Variants in RANBP2 observed in about 807,000 individuals in gnomAD.
RANBP2 encodes RAN binding protein 2.
RANBP2 carries 57 observed loss-of-function variants against 303.6 expected under a neutral mutation model. That is an observed-to-expected ratio of 0.19 (90% CI 0.15 to 0.23). The LOEUF (loss-of-function observed/expected upper bound fraction) is 0.23. Among genes scored for constraint, RANBP2 ranks in the 10% least tolerant of loss-of-function variants. The probability of loss-of-function intolerance (pLI) is 1.00; values close to 1 mark genes in which losing one functional copy is unlikely to be tolerated. For synonymous variants in RANBP2, 1,167 were observed against 1,301.5 expected, an observed-to-expected ratio of 0.90 and a Z score of 2.23; for missense variants, 3,138 against 3,780.8, an observed-to-expected ratio of 0.83 and a Z score of 4.46.
the RANBP2 span, among the ~76,000 whole-genome samples, chr2:109,508,915 C>T: frequency 6.6e-6 from 1 of 152,234 alleles, no homozygotes; most frequent in Non-Finnish European, 1.5e-5. Flanking sequence ...GCGCTACAAG[C>T]CCGGGACGGG....
At chr2:109,628,005 G>A in the RANBP2 span, among the ~76,000 whole-genome samples, 1,121 of 152,152 alleles carry the variant, frequency 7.4e-3, 1 homozygote, top group African/African-American at 0.013. Context: ...GAGAGGGTGC[G>A]TATCTGTGTC....
the RANBP2 span, among the ~76,000 whole-genome samples, chr2:109,680,405 T>A: frequency 6.6e-6 from 1 of 150,712 alleles, no homozygotes; most frequent in Non-Finnish European, 1.5e-5. Context: ...TAAAAAAAGA[T>A]AATAAAATAA....
At chr2:109,574,723 T>G in the RANBP2 span, 3 of 1,604,818 alleles carry the variant, frequency 1.9e-6, no homozygotes, top group South Asian at 2.2e-5. Flanking sequence ...TTCTTGGAGA[T>G]AGGCCTCAAA....
the RANBP2 span, among the ~76,000 whole-genome samples, chr2:109,687,148 G>A: frequency 6.6e-6 from 1 of 152,046 alleles, no homozygotes; most frequent in African/African-American, 2.4e-5. Context: ...TTTTCTTTGT[G>A]TAGCTGCCAT....
the RANBP2 span, chr2:108,897,189 C>T: frequency 1.2e-6 from 2 of 1,613,796 alleles, no homozygotes; most frequent in Non-Finnish European, 1.7e-6. Context: ...TTCGGCTAGT[C>T]TTCTCGAGGC....
the RANBP2 span, among the ~76,000 whole-genome samples, chr2:109,437,887 C>T: frequency 4.6e-5 from 7 of 152,260 alleles, no homozygotes; most frequent in East Asian, 9.7e-4. Context: ...GCCCATGCCA[C>T]GGCGTCTTCC....
chr2:109,354,479 A>G, the RANBP2 span, among the ~76,000 whole-genome samples: 1 of 152,202 alleles, frequency 6.6e-6, no homozygotes, highest in African/African-American at 2.4e-5. Flanking sequence ...GGCATTTTAC[A>G]TGTGATTCTT....
the RANBP2 span, among the ~76,000 whole-genome samples, chr2:109,384,874 T>C: frequency 0.47 from 71,951 of 151,670 alleles, 17,134 homozygotes; most frequent in Middle Eastern, 0.55. Flanking sequence ...AGGGTCCCAC[T>C]TCCCCCACAG....
chr2:109,461,831 CCTA>C, the RANBP2 span, among the ~76,000 whole-genome samples: 1 of 152,164 alleles, frequency 6.6e-6, no homozygotes, highest in Non-Finnish European at 1.5e-5. Context: ...TGTTCTAGGT[CCTA>C]CTCAAAACTA....
chr2:108,968,640 G>A, the RANBP2 span, among the ~76,000 whole-genome samples: 1 of 152,236 alleles, frequency 6.6e-6, no homozygotes, highest in Non-Finnish European at 1.5e-5. Context: ...AGCTACCAGG[G>A]AAGAAGTGAG....
the RANBP2 span, chr2:109,585,717 G>A: frequency 3.9e-5 from 62 of 1,593,166 alleles, no homozygotes; most frequent in Admixed American, 5.2e-4. Context: ...TAGGTGGCAC[G>A]TACCCACACA....
chr2:108,798,975 T>C, the RANBP2 span, among the ~76,000 whole-genome samples: 2 of 152,174 alleles, frequency 1.3e-5, no homozygotes, highest in African/African-American at 2.4e-5. Context: ...AGGAAATTAA[T>C]GCTAACTAAA....
chr2:108,833,879 T>C, the RANBP2 span, among the ~76,000 whole-genome samples: 1 of 145,120 alleles, frequency 6.9e-6, no homozygotes, highest in South Asian at 2.2e-4. Context: ...AGGCGCCCGC[T>C]ACCACGCCCG....
the RANBP2 span, among the ~76,000 whole-genome samples, chr2:109,394,286 C>T: frequency 1.3e-5 from 2 of 152,228 alleles, no homozygotes; most frequent in African/African-American, 4.8e-5. Flanking sequence ...CACTCGAGGT[C>T]ACAGAGACCA....
the RANBP2 span, among the ~76,000 whole-genome samples, chr2:109,682,508 G>A: frequency 2.6e-5 from 4 of 152,126 alleles, no homozygotes; most frequent in African/African-American, 9.7e-5. Flanking sequence ...CCCTGGTATG[G>A]TATTTTGAAT....
the RANBP2 span, among the ~76,000 whole-genome samples, chr2:109,575,412 T>C: frequency 6.6e-6 from 1 of 152,238 alleles, no homozygotes; most frequent in East Asian, 1.9e-4. Flanking sequence ...CTAGTAATGG[T>C]GGCACGTTTT....
chr2:108,978,766 C>A, the RANBP2 span, among the ~76,000 whole-genome samples: 1 of 152,126 alleles, frequency 6.6e-6, no homozygotes, highest in Non-Finnish European at 1.5e-5. Context: ...GACAGTCTAT[C>A]GGTAAGCTGG....
At chr2:109,441,953 CA>C in the RANBP2 span, among the ~76,000 whole-genome samples, 102,720 of 151,584 alleles carry the variant, frequency 0.68, 35,171 homozygotes, top group African/African-American at 0.75. Context: ...AAATATCTTT[CA>C]AAAAAAAAGC....
chr2:109,410,802 C>T, the RANBP2 span, among the ~76,000 whole-genome samples: 4 of 152,282 alleles, frequency 2.6e-5, no homozygotes, highest in Non-Finnish European at 2.9e-5. Flanking sequence ...CTGCTAGGCG[C>T]GACTTCGTGG....
Sources: allele counts gnomAD v4.1 joint callset (sites outside exome capture counted in the v4.1 genomes callset), GRCh38; gene constraint gnomAD v4.1.1; transcripts MANE v1.5; gene names NCBI Gene and HGNC (gene_info 2026-07-23, HGNC 2026-07-21).